Variants in CLEC16A observed in about 807,000 individuals in gnomAD.
The protein encoded by CLEC16A is C-type lectin domain containing 16A.
Under a neutral mutation model 109.5 loss-of-function variants are expected in CLEC16A, and 51 were observed. That is an observed-to-expected ratio of 0.47 (90% CI 0.37 to 0.59). The LOEUF is 0.59. Among genes scored for constraint, CLEC16A ranks in the 20% least tolerant of loss-of-function variants. The probability of loss-of-function intolerance (pLI) is 0.00; values close to 1 mark genes in which losing one functional copy is unlikely to be tolerated. For synonymous variants in CLEC16A, 673 were observed against 564.2 expected, an observed-to-expected ratio of 1.19 and a Z score of -2.73; for missense variants, 1,339 against 1,394.0, an observed-to-expected ratio of 0.96 and a Z score of 0.63.
intron 19 of CLEC16A, among the ~76,000 whole-genome samples, chr16:11,108,082 A>G (rs1450339078): frequency 1.3e-5 from 2 of 152,234 alleles, no homozygotes; most frequent in Non-Finnish European, 2.9e-5. Context: ...AACCGTCTCC[A>G]TCCCACAGAG....
chr16:11,148,888 C>T (rs1455671179), intron 22 of CLEC16A, among the ~76,000 whole-genome samples: 3 of 152,222 alleles, frequency 2.0e-5, no homozygotes, highest in Non-Finnish European at 4.4e-5. Flanking sequence ...AGAGAAGCTC[C>T]AGCAGTTCTG....
intron 22 of CLEC16A, 106 bp downstream of exon 22, chr16:11,126,252 C>T: frequency 5.8e-6 from 9 of 1,565,016 alleles, no homozygotes; most frequent in African/African-American, 1.4e-5. Flanking sequence ...TCTCAGAAGC[C>T]CCGTCGGCTG....
Position 11,181,544 on chromosome 16 carries a change from AT to A in CLEC16A, c.*2856del, listed in dbSNP as rs1253313174. On this transcript the variant is annotated 3_prime_UTR_variant, in exon 24 of 24. Transcript: ENST00000409790. ...GAACTCCCAAACCTTGGCTTTGAAT[AT>A]TGTTGTGGAGGTGTGCTCGTCCCTT... 6.6e-6 allele frequency: 1 copy of A among 152,262 alleles called. No homozygotes were observed. Among genetic ancestry groups the A allele is most frequent in the South Asian group, 2.1e-4 (1 of 4,838 alleles). The allele number at this position is 152,262 out of a possible 1,614,324, so 9.4% of individuals were successfully genotyped here. A position where few individuals can be genotyped will look rare whatever the true frequency, so the allele number is the denominator to read the frequency against.
intron 12 of CLEC16A, among the ~76,000 whole-genome samples, chr16:11,022,716 G>T (rs920356561): frequency 2.6e-5 from 4 of 151,752 alleles, no homozygotes; most frequent in African/African-American, 9.7e-5. Context: ...TGGCTAACAC[G>T]GTGAAACCCC....
intron 19 of CLEC16A, among the ~76,000 whole-genome samples, chr16:11,085,136 C>A (rs2049940423): frequency 6.6e-6 from 1 of 152,258 alleles, no homozygotes; most frequent in South Asian, 2.1e-4. Context: ...CTCTGTGCCA[C>A]CCTTCTCGGC....
At chr16:11,034,602 G>A (rs1028699028) in intron 13 of CLEC16A, among the ~76,000 whole-genome samples, 2 of 152,140 alleles carry the variant, frequency 1.3e-5, no homozygotes, top group Non-Finnish European at 2.9e-5. Context: ...CGGGTGGACA[G>A]GGGACACCCG....
At chr16:11,136,234 A>G (rs1232082467) in intron 22 of CLEC16A, 1 of 152,260 alleles carries the variant, frequency 6.6e-6, no homozygotes, top group Admixed American at 6.5e-5. Context: ...TATAAGAAAC[A>G]GGGATGATGC....
intron 10 of CLEC16A, among the ~76,000 whole-genome samples, chr16:10,984,366 C>A (rs1222265087): frequency 1.3e-5 from 2 of 152,170 alleles, no homozygotes; most frequent in African/African-American, 4.8e-5. Context: ...CTTTTCATGG[C>A]CCCTGTCTGG....
chr16:11,004,551 C>T (rs1458161065), intron 11 of CLEC16A, among the ~76,000 whole-genome samples: 2 of 152,158 alleles, frequency 1.3e-5, no homozygotes, highest in Non-Finnish European at 2.9e-5. Flanking sequence ...GCAAGGACTG[C>T]GTGAGCTTCC....
At chr16:10,975,097 C>T (rs1429671328) in intron 7 of CLEC16A, among the ~76,000 whole-genome samples, 2 of 152,164 alleles carry the variant, frequency 1.3e-5, no homozygotes, top group African/African-American at 2.4e-5. Context: ...AATCCCAGCA[C>T]TTTGGGAGGC....
chr16:10,944,969 T>C lies in CLEC16A; in HGVS notation c.80+172T>C, dbSNP rs184960309. 3.5e-3 allele frequency among the ~76,000 whole-genome samples: 528 copies of C among 152,354 alleles called. 7 individuals are homozygous for C. Among genetic ancestry groups the C allele is most frequent in the Admixed American group, 0.029 (446 of 15,302 alleles). ...AGTCAGGGCGCCTGGGTTCGAACCC[T>C]GACCCCGTCGCTCTTGGCTGTGTGA... is the stretch of plus-strand genomic sequence containing the variant. On this transcript the variant is annotated intron_variant, in intron 1 of 23. Transcript: ENST00000409790.
intron 9 of CLEC16A, among the ~76,000 whole-genome samples, chr16:10,980,248 C>A (rs549947920): frequency 7.9e-5 from 12 of 152,282 alleles, no homozygotes; most frequent in Admixed American, 2.0e-4. Flanking sequence ...TAGGCCAATC[C>A]GGACATGTCC....
intron 23 of CLEC16A, among the ~76,000 whole-genome samples, chr16:11,167,441 C>T (rs890067969): frequency 2.0e-5 from 3 of 152,188 alleles, no homozygotes; most frequent in African/African-American, 7.2e-5. Flanking sequence ...GCCCACCTCT[C>T]ATTGAGTTCT....
intron 10 of CLEC16A, among the ~76,000 whole-genome samples, chr16:10,997,396 T>G (rs1428578396): frequency 1.3e-5 from 2 of 152,258 alleles, no homozygotes; most frequent in Non-Finnish European, 2.9e-5. Flanking sequence ...ATGGAAAACA[T>G]TTCTGGTATT....
chr16:11,112,766 A>G (rs944065805), intron 19 of CLEC16A, among the ~76,000 whole-genome samples: 2 of 152,198 alleles, frequency 1.3e-5, no homozygotes, highest in Admixed American at 1.3e-4. Flanking sequence ...TAGGAGGGCT[A>G]TGTCACCTTT....
At chr16:10,965,142 G>A (rs2042440164) in intron 3 of CLEC16A, among the ~76,000 whole-genome samples, 1 of 152,156 alleles carries the variant, frequency 6.6e-6, no homozygotes, top group African/African-American at 2.4e-5. Flanking sequence ...AGTATGCGTG[G>A]CTTTTCTTGT....
At position 11,136,851 on chromosome 16, in the gene CLEC16A, G is replaced by C. The variant is rs556593935; in HGVS notation, c.2641+10705G>C. On this transcript the variant is annotated intron_variant, in intron 22 of 23. Transcript: ENST00000409790. ...CATCATTGGCACTGCGCCCATCTGA[G>C]CCAGGCAGTCCCCCGGAGCCTCACA... Among the ~76,000 whole-genome samples the C allele has an allele frequency of 9.8e-5, 15 of 152,302 alleles. No individual in the cohort carries two copies. In the East Asian group the frequency reaches 2.9e-3, roughly 29 times the overall value.
chr16:11,052,970 T>G (rs1175655893), intron 18 of CLEC16A, among the ~76,000 whole-genome samples: 1 of 152,158 alleles, frequency 6.6e-6, no homozygotes, highest in African/African-American at 2.4e-5. Context: ...CATAGCTCAC[T>G]GCAGCCTCAA....
At chr16:11,153,018 G>A (rs1015824099) in intron 22 of CLEC16A, among the ~76,000 whole-genome samples, 1 of 152,198 alleles carries the variant, frequency 6.6e-6, no homozygotes, top group African/African-American at 2.4e-5. Flanking sequence ...CAGCCTCTGA[G>A]CATTGTCCAT....
Sources: allele counts gnomAD v4.1 joint callset (sites outside exome capture counted in the v4.1 genomes callset), GRCh38; gene constraint gnomAD v4.1.1; transcripts MANE v1.5; gene names NCBI Gene and HGNC (gene_info 2026-07-23, HGNC 2026-07-21).